The following ANKRD30A variants were observed in gnomAD, a reference collection of about 807,000 sequenced individuals.
ANKRD30A encodes the protein ankyrin repeat domain-containing protein 30A.
Under a neutral mutation model 166.3 loss-of-function variants are expected in ANKRD30A, and 170 were observed. The ratio of observed to expected loss-of-function variants is 1.02; its 90% CI spans 0.90 to 1.16. The LOEUF is 1.16. Among genes scored for constraint, ANKRD30A ranks in the 50% most tolerant of loss-of-function variants. The pLI is 0.00. For synonymous variants in ANKRD30A, 564 were observed against 508.9 expected (o/e 1.11, Z -1.46); for missense variants, 1,630 against 1,518.0 (o/e 1.07, Z -1.23).
chr10:37,153,469 G>T (rs1588805977), intron 12 of ANKRD30A, 103 bp from the exon 13 acceptor site: 1 of 1,548,134 alleles, frequency 6.5e-7, no homozygotes. Flanking sequence ...GTTTGCAAAG[G>T]AGGAAATTGT....
chr10:37,133,833 T>C lies in ANKRD30A; in HGVS notation c.618-83T>C, dbSNP rs9988733. On this transcript the variant is annotated intron_variant, in intron 4 of 35. Coordinates refer to ENST00000361713, the MANE Select transcript of ANKRD30A (RefSeq NM_052997.3). ...CAAGATACTTATGTTTGTTGGTACA[T>C]GTAAATGGTTAATTCTACAATGACA... is the stretch of plus-strand genomic sequence containing the variant. 2.9e-4 allele frequency: 434 copies of C among 1,486,292 alleles called. No individual in the cohort carries two copies. The African/African-American group carries it at 5.5e-3, about 19-fold the overall frequency. The allele number at this position is 1,486,292 out of a possible 1,614,324, so 92.1% of individuals were successfully genotyped here.
At chr10:37,216,563 T>A (rs1842619340) in intron 32 of ANKRD30A, among the ~76,000 whole-genome samples, 169 bp downstream of exon 32, 1 of 151,350 alleles carries the variant, frequency 6.6e-6, no homozygotes, top group Non-Finnish European at 1.5e-5. Context: ...TGTGAATACT[T>A]CTGCTGATAA....
chr10:37,201,147 T>C, intron 30 of ANKRD30A, 88 bp from the exon 31 acceptor site: 1 of 1,121,336 alleles, frequency 8.9e-7, no homozygotes, highest in Non-Finnish European at 1.2e-6. Flanking sequence ...GACTTTTTTT[T>C]AAAAAAAGAT....
chr10:37,159,096 T>C (rs540758565), intron 15 of ANKRD30A, among the ~76,000 whole-genome samples: 69 of 152,302 alleles, frequency 4.5e-4, no homozygotes, highest in African/African-American at 1.6e-3. Flanking sequence ...TTGCTAGACA[T>C]AGTGTTTTAG....
intron 27 of ANKRD30A, among the ~76,000 whole-genome samples, chr10:37,193,613 A>G (rs1463666837): frequency 1.3e-5 from 2 of 152,098 alleles, no homozygotes; most frequent in Non-Finnish European, 2.9e-5. Context: ...ATGTTTACTT[A>G]GAAGAAAGTT....
the ANKRD30A span, among the ~76,000 whole-genome samples, chr10:37,253,647 TTC>T: frequency 1.4e-5 from 2 of 145,434 alleles, no homozygotes; most frequent in Non-Finnish European, 3.0e-5. Context: ...GGTTTTCTTT[TTC>T]TTTTTTTTTT....
At chr10:37,233,252 G>A (rs1056300124), downstream of ANKRD30A, among the ~76,000 whole-genome samples, 3 of 151,998 alleles carry the variant, frequency 2.0e-5, no homozygotes, top group African/African-American at 7.3e-5. Flanking sequence ...TATTTTGATA[G>A]CTTAGTTTTA....
At chr10:37,240,755 C>G in the ANKRD30A span, 3 of 152,060 alleles carry the variant, frequency 2.0e-5, no homozygotes, top group Non-Finnish European at 4.4e-5. Flanking sequence ...AATATTGACC[C>G]AAAACCTGGA....
the ANKRD30A span, among the ~76,000 whole-genome samples, chr10:37,257,867 A>G: frequency 2.0e-5 from 3 of 152,350 alleles, no homozygotes; most frequent in East Asian, 5.8e-4. Context: ...ACACAGGAAC[A>G]GAAAACCAAA....
downstream of ANKRD30A, among the ~76,000 whole-genome samples, chr10:37,234,682 GT>G (rs1319931551): frequency 3.9e-5 from 6 of 152,008 alleles, no homozygotes; most frequent in African/African-American, 1.4e-4. Flanking sequence ...ACATTGATTG[GT>G]TTTGGACTTC....
At chr10:37,163,027 T>TC (rs2132599636) in intron 17 of ANKRD30A, among the ~76,000 whole-genome samples, 179 bp downstream of exon 17, 1 of 152,298 alleles carries the variant, frequency 6.6e-6, no homozygotes, top group South Asian at 2.1e-4. Context: ...ATTTTCAATA[T>TC]ATTTTTTAAA....
At chr10:37,252,407 T>C in the ANKRD30A span, among the ~76,000 whole-genome samples, 1 of 152,206 alleles carries the variant, frequency 6.6e-6, no homozygotes, top group African/African-American at 2.4e-5. Context: ...GTATGTTTTA[T>C]ATACTAAAAT....
At chr10:37,256,586 T>G in the ANKRD30A span, among the ~76,000 whole-genome samples, 2 of 152,170 alleles carry the variant, frequency 1.3e-5, no homozygotes, top group Non-Finnish European at 2.9e-5. Context: ...AAGTAAACAT[T>G]TATTGAGTAC....
chr10:37,202,185 T>C (rs1841666936), intron 31 of ANKRD30A, among the ~76,000 whole-genome samples: 1 of 152,074 alleles, frequency 6.6e-6, no homozygotes. Flanking sequence ...GAGTATGTTT[T>C]TAGCCAGCGG....
intron 12 of ANKRD30A, 61 bp from the exon 13 acceptor site, chr10:37,153,511 T>C: frequency 6.3e-7 from 1 of 1,585,826 alleles, no homozygotes. Flanking sequence ...TAGGAAATTT[T>C]GATACTCTTC....
At chr10:37,255,932 A>G in the ANKRD30A span, among the ~76,000 whole-genome samples, 46 of 152,304 alleles carry the variant, frequency 3.0e-4, no homozygotes, top group African/African-American at 1.0e-3. Flanking sequence ...GTTACCTATC[A>G]CAATTAACAA....
the ANKRD30A span, among the ~76,000 whole-genome samples, chr10:37,247,844 T>C: frequency 2.0e-5 from 3 of 147,028 alleles, no homozygotes; most frequent in African/African-American, 7.6e-5. Context: ...ATCGTGCCAC[T>C]GTACTCCAGC....
chr10:37,241,491 A>C, the ANKRD30A span, among the ~76,000 whole-genome samples: 4 of 151,944 alleles, frequency 2.6e-5, no homozygotes, highest in Non-Finnish European at 5.9e-5. Flanking sequence ...TTTTTAGTGG[A>C]TCTTACAAAT....
intron 1 of ANKRD30A, among the ~76,000 whole-genome samples, chr10:37,126,975 A>G (rs1246813732): frequency 2.2e-5 from 3 of 135,420 alleles, no homozygotes; most frequent in South Asian, 5.2e-4. Flanking sequence ...TGAACCCGGT[A>G]GGCGGAGATT....
Sources: gnomAD v4.1 joint callset for allele counts (sites outside exome capture counted in the v4.1 genomes callset) on GRCh38, gnomAD v4.1.1 for gene constraint, MANE v1.5 for transcripts, NCBI Gene and HGNC (gene_info 2026-07-23, HGNC 2026-07-21) for gene names.